Variants in HPSE2 observed in about 807,000 individuals in gnomAD.
The protein encoded by HPSE2 is heparanase 2 (inactive), also known as inactive heparanase-2.
Under a neutral mutation model 60.5 loss-of-function variants are expected in HPSE2, and 38 were observed. The observed-to-expected ratio is 0.63, with a 90% CI of 0.48 to 0.82. HPSE2 has a LOEUF of 0.82. Among genes scored for constraint, HPSE2 ranks in the 40% least tolerant of loss-of-function variants. HPSE2 has a pLI of 0.00. For synonymous variants in HPSE2, 295 were observed against 293.2 expected (o/e 1.01, Z -0.06); for missense variants, 713 against 740.4 (o/e 0.96, Z 0.43).
intron 5 of HPSE2, among the ~76,000 whole-genome samples, chr10:98,698,120 C>G (rs1369275238): frequency 7.1e-6 from 1 of 140,950 alleles, no homozygotes; most frequent in Non-Finnish European, 1.5e-5. Context: ...GAATTGAACT[C>G]AGCTCTGCAC....
the HPSE2 span, among the ~76,000 whole-genome samples, chr10:99,261,493 G>A: frequency 6.6e-5 from 10 of 152,044 alleles, no homozygotes; most frequent in Non-Finnish European, 1.3e-4. Flanking sequence ...ATCAGTTAGC[G>A]TTTAGGCTCT....
intron 3 of HPSE2, among the ~76,000 whole-genome samples, chr10:98,847,138 A>G (rs1257906873): frequency 6.6e-6 from 1 of 152,220 alleles, no homozygotes; most frequent in Admixed American, 6.5e-5. Flanking sequence ...CAGAAGATAC[A>G]AACTCAGAAT....
chr10:98,661,050 C>A (rs895751320), intron 6 of HPSE2, among the ~76,000 whole-genome samples: 1 of 152,180 alleles, frequency 6.6e-6, no homozygotes, highest in African/African-American at 2.4e-5. Flanking sequence ...CTCCTCCTTG[C>A]CCTGACACAG....
At chr10:99,051,661 T>C (rs555361176) in intron 3 of HPSE2, among the ~76,000 whole-genome samples, 1 of 152,184 alleles carries the variant, frequency 6.6e-6, no homozygotes, top group Non-Finnish European at 1.5e-5. Flanking sequence ...AAAGCAACAG[T>C]TGGAAAGCTG....
intron 9 of HPSE2, among the ~76,000 whole-genome samples, chr10:98,522,560 C>T (rs57638514): frequency 0.022 from 3,422 of 152,228 alleles, 132 homozygotes; most frequent in African/African-American, 0.076. Flanking sequence ...CGGCAACCTC[C>T]GCTTCCCGGA....
At chr10:98,601,226 C>A (rs1032864619) in intron 9 of HPSE2, among the ~76,000 whole-genome samples, 7 of 152,054 alleles carry the variant, frequency 4.6e-5, no homozygotes, top group Non-Finnish European at 8.8e-5. Flanking sequence ...ATCTGCTTTA[C>A]TCAAAGTCTA....
chr10:98,952,138 C>T (rs1955373869), intron 3 of HPSE2, among the ~76,000 whole-genome samples: 1 of 152,138 alleles, frequency 6.6e-6, no homozygotes, highest in Non-Finnish European at 1.5e-5. Flanking sequence ...TTTTGTTTTT[C>T]ACTTGTCATG....
intron 9 of HPSE2, among the ~76,000 whole-genome samples, chr10:98,586,767 T>A (rs1944951930): frequency 6.6e-6 from 1 of 152,176 alleles, no homozygotes; most frequent in Admixed American, 6.5e-5. Context: ...CAATGTTATA[T>A]AATACCATGC....
At chr10:99,253,230 C>G in the HPSE2 span, among the ~76,000 whole-genome samples, 1 of 152,036 alleles carries the variant, frequency 6.6e-6, no homozygotes, top group African/African-American at 2.4e-5. Flanking sequence ...AACTTCAAAC[C>G]ATACTAATAA....
intron 3 of HPSE2, among the ~76,000 whole-genome samples, chr10:98,775,318 A>G (rs756345893): frequency 3.9e-5 from 6 of 152,210 alleles, no homozygotes; most frequent in Non-Finnish European, 8.8e-5. Context: ...GATTGAACCA[A>G]GTAATGATGG....
intron 11 of HPSE2, among the ~76,000 whole-genome samples, chr10:98,479,325 T>C (rs896256458): frequency 6.6e-6 from 1 of 152,208 alleles, no homozygotes; most frequent in Admixed American, 6.5e-5. Context: ...TGAGCTAATA[T>C]GGCTTCAAGC....
intron 3 of HPSE2, among the ~76,000 whole-genome samples, chr10:98,906,447 C>T (rs1590053109): frequency 6.6e-6 from 1 of 152,096 alleles, no homozygotes; most frequent in East Asian, 1.9e-4. Context: ...AAATAAGCCA[C>T]AGAAAATCTG....
Position 98,940,503 on chromosome 10 carries a change from C to G in HPSE2, c.611-196447G>C, listed in dbSNP as rs1273150267. On this transcript the variant is annotated intron_variant, in intron 3 of 11. Transcript: ENST00000370552. ...TCTAGAAGAAATGGATAAATTCCTC[C>G]ACACATACACCCTCCCAAGACTAAA... is the stretch of plus-strand genomic sequence containing the variant. Among the ~76,000 whole-genome samples the G allele has an allele frequency of 1.5e-3, 216 of 141,730 alleles. 15 individuals are homozygous for G. The highest frequency in any genetic ancestry group is 5.2e-3 in the Admixed American group (74 of 14,118). The allele number at this position is 141,730 out of a possible 152,430, so 93.0% of individuals were successfully genotyped here. A position where few individuals can be genotyped will look rare whatever the true frequency, so the allele number is the denominator to read the frequency against.
rs572429338 is a variant in HPSE2, at chr10:98,950,972, C to T, written c.610+193266G>A. ...TCTGGCTTTCTGTGCCACTTTATGT[C>T]AGAGACTGTAATAAAAGAAAGTTCA... is the stretch of plus-strand genomic sequence containing the variant. On this transcript the variant is annotated intron_variant, in intron 3 of 11. Transcript: ENST00000370552. 3.9e-5 allele frequency among the ~76,000 whole-genome samples: 6 copies of T among 152,264 alleles called. 1 individual carries two copies. In the South Asian group the frequency reaches 8.3e-4, roughly 21 times the overall value.
At chr10:99,235,389 TTTC>T (rs1398168217) in intron 1 of HPSE2, 121 bp downstream of exon 1, 2 of 926,492 alleles carry the variant, frequency 2.2e-6, no homozygotes, top group Non-Finnish European at 3.5e-6. Context: ...GAAAACCTCT[TTTC>T]TTCTCTTTGA....
intron 3 of HPSE2, among the ~76,000 whole-genome samples, chr10:99,040,678 T>C (rs933333821): frequency 2.0e-5 from 3 of 151,982 alleles, no homozygotes; most frequent in African/African-American, 2.4e-5. Flanking sequence ...TCCACATCTC[T>C]ATAGTATAGT....
the HPSE2 span, among the ~76,000 whole-genome samples, chr10:99,274,359 G>T: frequency 3.3e-5 from 5 of 151,970 alleles, no homozygotes; most frequent in Non-Finnish European, 1.5e-5. Context: ...ACAGTGTAAG[G>T]CAAGAAGTCC....
chr10:98,926,343 T>C (rs1017096827), intron 3 of HPSE2, among the ~76,000 whole-genome samples: 2 of 152,098 alleles, frequency 1.3e-5, no homozygotes, highest in African/African-American at 4.8e-5. Flanking sequence ...AAAATTAATA[T>C]TAAATATAAC....
At chr10:98,925,120 T>C (rs1954412857) in intron 3 of HPSE2, among the ~76,000 whole-genome samples, 1 of 152,212 alleles carries the variant, frequency 6.6e-6, no homozygotes, top group South Asian at 2.1e-4. Context: ...TGTCAGTGAT[T>C]CTAAAGTATC....
Sources: allele counts gnomAD v4.1 joint callset (sites outside exome capture counted in the v4.1 genomes callset), GRCh38; gene constraint gnomAD v4.1.1; transcripts MANE v1.5; gene names NCBI Gene and HGNC (gene_info 2026-07-23, HGNC 2026-07-21).